The following PLD5 variants were observed in gnomAD, a reference collection of about 807,000 sequenced individuals.
PLD5 encodes inactive phospholipase D5.
In PLD5, 36 loss-of-function variants were observed where a neutral mutation model predicts 61.1. That is an observed-to-expected ratio of 0.59 (90% CI 0.45 to 0.78). PLD5 has a LOEUF of 0.78. PLD5 is among the 30% of genes least tolerant of loss of function. The probability of loss-of-function intolerance (pLI) is 0.00; values close to 1 mark genes in which losing one functional copy is unlikely to be tolerated. For synonymous variants in PLD5, 243 were observed against 242.8 expected (o/e 1.00, Z -0.01); for missense variants, 515 against 644.4 (o/e 0.80, Z 2.17).
At chr1:242,485,619 C>T (rs909384030) in intron 1 of PLD5, among the ~76,000 whole-genome samples, 4 of 152,096 alleles carry the variant, frequency 2.6e-5, no homozygotes, top group Admixed American at 6.6e-5. Context: ...GAATCAATAT[C>T]GTGAAAATGG....
chr1:242,288,052 T>C (rs1262895979), intron 3 of PLD5, among the ~76,000 whole-genome samples: 1 of 152,218 alleles, frequency 6.6e-6, no homozygotes, highest in Non-Finnish European at 1.5e-5. Flanking sequence ...TTCTGGACCA[T>C]GCCATTGACA....
In PLD5 at chr1:242,316,544, A is replaced by G. The variant is rs564184685; in HGVS notation, c.327-28014T>C. Among the ~76,000 whole-genome samples the G allele has an allele frequency of 5.6e-4, 85 of 152,316 alleles. 1 individual carries two copies. The Middle Eastern group carries it at 0.014, about 24-fold the overall frequency. On this transcript the variant is annotated intron_variant, in intron 2 of 9. Transcript: ENST00000536534. ...CATCTCTGGTTAGATGAATAATTAG[A>G]TAATAATTCTATATTAACATTGAGG...
intron 5 of PLD5, among the ~76,000 whole-genome samples, chr1:242,165,490 TA>T (rs1223722228): frequency 6.7e-6 from 1 of 148,312 alleles, no homozygotes; most frequent in Non-Finnish European, 1.5e-5. Flanking sequence ...CAGTGGGATG[TA>T]AAATATAGAC....
At chr1:242,157,254 T>C (rs1388914533) in intron 5 of PLD5, among the ~76,000 whole-genome samples, 1 of 152,232 alleles carries the variant, frequency 6.6e-6, no homozygotes, top group Non-Finnish European at 1.5e-5. Flanking sequence ...GCAATTCGTC[T>C]AACCTTTTCT....
intron 7 of PLD5, among the ~76,000 whole-genome samples, chr1:242,111,385 T>C (rs1574315814): frequency 6.6e-6 from 1 of 152,192 alleles, no homozygotes; most frequent in East Asian, 1.9e-4. Context: ...GTAGGATTTA[T>C]TTAGTCACAG....
chr1:242,459,690 C>G (rs184638310), intron 1 of PLD5, among the ~76,000 whole-genome samples: 4 of 152,134 alleles, frequency 2.6e-5, no homozygotes, highest in Non-Finnish European at 5.9e-5. Context: ...ACTGCCAGAA[C>G]GAGCCAACAG....
At chr1:242,098,619 G>A (rs1261422362) in intron 9 of PLD5, among the ~76,000 whole-genome samples, 2 of 152,194 alleles carry the variant, frequency 1.3e-5, no homozygotes, top group East Asian at 3.9e-4. Flanking sequence ...CGTTCCTTTG[G>A]AGGAGGAGAG....
intron 1 of PLD5, among the ~76,000 whole-genome samples, chr1:242,383,116 C>T (rs995041579): frequency 5.9e-5 from 9 of 152,130 alleles, no homozygotes; most frequent in Admixed American, 2.0e-4. Flanking sequence ...ATGGAATCAG[C>T]GATTCTATCT....
intron 1 of PLD5, among the ~76,000 whole-genome samples, chr1:242,404,104 T>G (rs542586008): frequency 1.3e-5 from 2 of 152,114 alleles, no homozygotes; most frequent in South Asian, 2.1e-4. Context: ...CCTGCCCACA[T>G]GGAGCTCACT....
At chr1:242,417,342 G>A (rs910134648) in intron 1 of PLD5, among the ~76,000 whole-genome samples, 20 of 152,234 alleles carry the variant, frequency 1.3e-4, no homozygotes, top group South Asian at 4.1e-4. Context: ...TAAAACACCC[G>A]CCAGTGTTCC....
intron 1 of PLD5, among the ~76,000 whole-genome samples, chr1:242,386,443 GAGA>G (rs1352642611): frequency 3.3e-5 from 5 of 152,184 alleles, no homozygotes; most frequent in Admixed American, 6.5e-5. Flanking sequence ...GTGACGCACT[GAGA>G]AGTACACAGC....
chr1:242,375,775 A>G (rs1230414010), intron 1 of PLD5, among the ~76,000 whole-genome samples: 2 of 152,182 alleles, frequency 1.3e-5, no homozygotes, highest in Non-Finnish European at 2.9e-5. Flanking sequence ...CCAACATTAA[A>G]TATACTTCTT....
intron 2 of PLD5, among the ~76,000 whole-genome samples, chr1:242,299,704 T>C (rs1675919213): frequency 6.6e-6 from 1 of 152,254 alleles, no homozygotes; most frequent in Non-Finnish European, 1.5e-5. Context: ...TGTTAGGACG[T>C]ATTCTCTCAC....
At chr1:242,230,680 G>A (rs1671243021) in intron 4 of PLD5, among the ~76,000 whole-genome samples, 1 of 152,036 alleles carries the variant, frequency 6.6e-6, no homozygotes, top group South Asian at 2.1e-4. Flanking sequence ...TGAGAGTAAG[G>A]GAACTTTTAA....
chr1:242,224,118 C>T (rs1670779064), intron 4 of PLD5, among the ~76,000 whole-genome samples: 2 of 152,036 alleles, frequency 1.3e-5, no homozygotes, highest in Admixed American at 1.3e-4. Context: ...TGTGCATAAC[C>T]TAAATTTGAG....
At chr1:242,198,309 G>T (rs1349143007) in intron 5 of PLD5, among the ~76,000 whole-genome samples, 1 of 152,102 alleles carries the variant, frequency 6.6e-6, no homozygotes, top group Non-Finnish European at 1.5e-5. Flanking sequence ...GTAAAAATAA[G>T]CAATTTACAT....
At chr1:242,098,179 C>T (rs1031811719) in intron 9 of PLD5, among the ~76,000 whole-genome samples, 7 of 152,288 alleles carry the variant, frequency 4.6e-5, no homozygotes, top group African/African-American at 7.2e-5. Context: ...CCATTCTCCC[C>T]GTCACTTTCA....
intron 1 of PLD5, among the ~76,000 whole-genome samples, chr1:242,496,935 G>A (rs967324539): frequency 2.0e-5 from 3 of 152,180 alleles, no homozygotes; most frequent in Admixed American, 6.5e-5. Flanking sequence ...AAAGGGGAGG[G>A]CAGATGTTCC....
chr1:242,288,272 G>T (rs1675145756), intron 3 of PLD5, 90 bp downstream of exon 3: 3 of 1,561,394 alleles, frequency 1.9e-6, no homozygotes, highest in Non-Finnish European at 2.6e-6. Flanking sequence ...AAATAAATGA[G>T]CTTGAGTTTG....
Sources: gnomAD v4.1 joint callset for allele counts (sites outside exome capture counted in the v4.1 genomes callset) on GRCh38, gnomAD v4.1.1 for gene constraint, MANE v1.5 for transcripts, NCBI Gene and HGNC (gene_info 2026-07-23, HGNC 2026-07-21) for gene names.